PAPSS2: variants seen among roughly 807,000 people sequenced by gnomAD.
PAPSS2 encodes the protein 3'-phosphoadenosine 5'-phosphosulfate synthase 2.
A neutral mutation model predicts 66.5 loss-of-function variants in PAPSS2; 61 were observed. The ratio of observed to expected loss-of-function variants is 0.92; its 90% CI spans 0.75 to 1.14. The LOEUF (loss-of-function observed/expected upper bound fraction) is 1.14. PAPSS2 is among the 50% of genes most tolerant of loss of function. The pLI is 0.00. For missense variants in PAPSS2, 708 were observed against 789.6 expected, an observed-to-expected ratio of 0.90 and a Z score of 1.24; for synonymous variants, 289 against 287.5, an observed-to-expected ratio of 1.01 and a Z score of -0.05.
intron 1 of PAPSS2, among the ~76,000 whole-genome samples, chr10:87,668,723 A>C (rs1852842354): frequency 6.6e-6 from 1 of 151,628 alleles, no homozygotes; most frequent in Non-Finnish European, 1.5e-5. Flanking sequence ...TACTTCTGGA[A>C]GGAAAATTAG....
chr10:87,743,414 G>T lies in PAPSS2; in HGVS notation c.1264G>T (p.Gly422Cys). 6.2e-7 allele frequency: 1 copy of T among 1,614,096 alleles called. No individual in the cohort carries two copies. Among genetic ancestry groups the T allele is most frequent in the Non-Finnish European group, 8.5e-7 (1 of 1,180,004 alleles). ...AFQLRNPVHN[G>C]HALLMQDTRR... ...CCAGTTGCGCAATCCTGTCCACAAT[G>T]GCCATGCCCTGTTGATGCAGGACAC... The change falls in exon 11 of 13, where the codon GGC (glycine) becomes TGC (cysteine). Residue 422 changes from glycine (G) to cysteine (C), a missense_variant. Coordinates refer to ENST00000456849, the MANE Select transcript of PAPSS2 (RefSeq NM_001015880.2).
rs770150504 is a variant in PAPSS2 at position 87,743,386 on chromosome 10, A to T, written c.1236A>T (p.Ala412=). The T allele has an allele frequency of 6.2e-7, 1 of 1,613,790 alleles. No homozygotes were observed. The highest frequency in any genetic ancestry group is 1.1e-5 in the South Asian group (1 of 91,072). ...TTCCTCTCCCAGATGCGGTGTTTGC[A>T]TTCCAGTTGCGCAATCCTGTCCACA... The part of the protein sequence containing the change: ...CKEMNADAVF[A]FQLRNPVHNG... The change falls in exon 11 of 13, where the codon GCA becomes GCT. Residue 412 remains alanine (A), a synonymous_variant. Coordinates refer to ENST00000456849, the MANE Select transcript of PAPSS2 (RefSeq NM_001015880.2).
At chr10:87,677,502 A>T (rs999723213) in intron 1 of PAPSS2, among the ~76,000 whole-genome samples, 27 of 152,248 alleles carry the variant, frequency 1.8e-4, no homozygotes, top group African/African-American at 6.5e-4. Context: ...TTGGATCAAA[A>T]ATGACAGAAA....
In PAPSS2 at chr10:87,714,059, C is replaced by T. The variant is rs760788590; in HGVS notation, c.397C>T (p.Arg133Cys). Residue 133 changes from arginine (R) to cysteine (C), a missense_variant, in exon 4 of 13, where the codon CGC becomes TGC. Transcript: ENST00000456849. ...SPFAKDRENARKIHESAGLPF... is the reference protein window; with the variant it reads ...SPFAKDRENACKIHESAGLPF... ...TGCTTTTCAGGATCGTGAGAATGCCCGCAAAATACATGAATCAGCAGGGCT... is the reference window on the plus strand; with the variant it reads ...TGCTTTTCAGGATCGTGAGAATGCCTGCAAAATACATGAATCAGCAGGGCT... 57 of 1,613,880 alleles carry T rather than the reference C, an allele frequency of 3.5e-5. 1 individual carries two copies. The East Asian group carries it at 6.0e-4, about 17-fold the overall frequency.
chr10:87,706,081 A>G (rs1314138153), intron 1 of PAPSS2, among the ~76,000 whole-genome samples: 2 of 70,746 alleles, frequency 2.8e-5, no homozygotes, highest in Non-Finnish European at 5.0e-5. Flanking sequence ...GTTTCTTCAC[A>G]TGGTATATAT....
chr10:87,738,638 G>T (rs1408212478), intron 9 of PAPSS2, among the ~76,000 whole-genome samples: 2 of 152,132 alleles, frequency 1.3e-5, no homozygotes, highest in Non-Finnish European at 2.9e-5. Context: ...TCAAACTCTG[G>T]GCTTAAGCAA....
intron 1 of PAPSS2, among the ~76,000 whole-genome samples, chr10:87,675,783 A>G (rs761778654): frequency 5.9e-5 from 9 of 152,074 alleles, no homozygotes; most frequent in Admixed American, 2.0e-4. Flanking sequence ...GATTGAATGG[A>G]TCTGTGTTGG....
chr10:87,668,593 C>T (rs1316542178), intron 1 of PAPSS2, among the ~76,000 whole-genome samples: 1 of 151,934 alleles, frequency 6.6e-6, no homozygotes, highest in African/African-American at 2.4e-5. Flanking sequence ...CTTACATTTC[C>T]TCATTCATTT....
intron 1 of PAPSS2, among the ~76,000 whole-genome samples, chr10:87,675,886 A>G (rs1280494761): frequency 1.3e-5 from 2 of 152,060 alleles, no homozygotes; most frequent in Non-Finnish European, 2.9e-5. Context: ...TCCCCATGCA[A>G]ATGAAAGCAT....
intron 1 of PAPSS2, among the ~76,000 whole-genome samples, chr10:87,697,602 G>A (rs1363703005): frequency 6.6e-6 from 1 of 152,194 alleles, no homozygotes; most frequent in African/African-American, 2.4e-5. Flanking sequence ...ACTAAGAGGC[G>A]GCAGTCCAAG....
intron 9 of PAPSS2, among the ~76,000 whole-genome samples, chr10:87,736,010 T>A (rs1853794079): frequency 6.6e-6 from 1 of 152,130 alleles, no homozygotes; most frequent in Non-Finnish European, 1.5e-5. Flanking sequence ...CACTCTTGCC[T>A]CCCTCTTCTC....
In PAPSS2 at chr10:87,709,293, G is replaced by A; in HGVS notation, c.125G>A (p.Gly42Glu). 6.2e-7 allele frequency: 1 copy of A among 1,607,444 alleles called. No individual in the cohort carries two copies. The change falls in exon 2 of 13, where the codon GGA (glycine) becomes GAA (glutamate). Residue 42 changes from glycine to glutamate, a missense_variant. Transcript: ENST00000456849. The stretch of plus-strand genomic sequence containing the variant: ...GTTGGAACAAGGGGTGGGTTCCGAG[G>A]ATGTACCGTGTGGCTAACAGGTATG... The part of the protein sequence containing the change: ...QVVGTRGGFR[G>E]CTVWLTGLSG...
intron 5 of PAPSS2, 53 bp downstream of exon 5, chr10:87,714,916 AT>A: frequency 7.0e-7 from 1 of 1,420,922 alleles, no homozygotes; most frequent in Non-Finnish European, 1.0e-6. Flanking sequence ...ATGAAAGACA[AT>A]CTATGCCTCT....
intron 9 of PAPSS2, among the ~76,000 whole-genome samples, chr10:87,729,260 G>A (rs1263550120): frequency 6.6e-6 from 1 of 150,558 alleles, no homozygotes; most frequent in Non-Finnish European, 1.5e-5. Flanking sequence ...ACAAATTGAA[G>A]GTTTGTGTCA....
intron 1 of PAPSS2, among the ~76,000 whole-genome samples, chr10:87,677,059 C>T (rs1183143832): frequency 1.3e-5 from 2 of 151,776 alleles, no homozygotes; most frequent in African/African-American, 4.8e-5. Context: ...CCGGGCATGG[C>T]AGCACACTCC....
In PAPSS2 at chr10:87,714,221, G is replaced by A; in HGVS notation, c.520+39G>A. 3 of 1,602,562 alleles carry A rather than the reference G, an allele frequency of 1.9e-6. No homozygotes were observed. The East Asian group carries it at 6.7e-5, about 36-fold the overall frequency. On this transcript the variant is annotated intron_variant, in intron 4 of 12. Coordinates refer to ENST00000456849, the MANE Select transcript of PAPSS2 (RefSeq NM_001015880.2). ...CTAGTAGCGTCTACCAGTTACATAG[G>A]CTGTCAGTCCTCAGTCCTTATTCTG...
rs139894243 is a variant in PAPSS2 at position 87,702,078 on chromosome 10, A to G, written c.28-7118A>G. 1.6e-3 allele frequency among the ~76,000 whole-genome samples: 242 copies of G among 152,368 alleles called. 1 individual carries two copies. Among genetic ancestry groups the G allele is most frequent in the African/African-American group, 5.6e-3 (233 of 41,598 alleles). ...GAACTAATCGGAAAGGAATAAATAT[A>G]TAATTGTGAAACATTTGAAGCTACT... is the stretch of plus-strand genomic sequence containing the variant. On this transcript the variant is annotated intron_variant, in intron 1 of 12. Coordinates refer to ENST00000456849, the MANE Select transcript of PAPSS2 (RefSeq NM_001015880.2).
chr10:87,725,255 A>G (rs1241956269), intron 8 of PAPSS2, among the ~76,000 whole-genome samples: 2 of 152,188 alleles, frequency 1.3e-5, no homozygotes, highest in Non-Finnish European at 2.9e-5. Flanking sequence ...GTATTTTTTC[A>G]GTAGTTTTCC....
At chr10:87,672,293 C>A (rs1038147713) in intron 1 of PAPSS2, among the ~76,000 whole-genome samples, 14 of 152,128 alleles carry the variant, frequency 9.2e-5, no homozygotes, top group African/African-American at 3.1e-4. Flanking sequence ...TGGACTGCAC[C>A]AAGTTAACTG....
Sources: allele counts gnomAD v4.1 joint callset (sites outside exome capture counted in the v4.1 genomes callset), GRCh38; gene constraint gnomAD v4.1.1; transcripts MANE v1.5; gene names NCBI Gene and HGNC (gene_info 2026-07-23, HGNC 2026-07-21).